Variants in VAT1L observed in about 807,000 individuals in gnomAD.
The protein encoded by VAT1L is vesicle amine transport 1 like.
Under a neutral mutation model 44.1 loss-of-function variants are expected in VAT1L, and 34 were observed. The observed-to-expected ratio is 0.77, with a 90% confidence interval of 0.59 to 1.03. The LOEUF (loss-of-function observed/expected upper bound fraction) is 1.03, where lower values mean the gene tolerates loss of function less well. Among genes scored for constraint, VAT1L ranks in the 50% least tolerant of loss-of-function variants. VAT1L has a pLI of 0.00. For synonymous variants in VAT1L, 253 were observed against 202.2 expected (o/e 1.25, Z -2.13); for missense variants, 615 against 538.8 (o/e 1.14, Z -1.40).
At chr16:77,914,346 G>A (rs1460281231) in intron 7 of VAT1L, among the ~76,000 whole-genome samples, 1 of 152,120 alleles carries the variant, frequency 6.6e-6, no homozygotes, top group East Asian at 1.9e-4. Context: ...CCTGTATGGT[G>A]GAGTACTATA....
At chr16:77,975,266 G>C (rs112670712) in intron 8 of VAT1L, among the ~76,000 whole-genome samples, 1 of 133,760 alleles carries the variant, frequency 7.5e-6, no homozygotes, top group Non-Finnish European at 1.5e-5. Flanking sequence ...CTGGAGTGCA[G>C]TGGTGTGATC....
chr16:77,855,382 G>A (rs970548598), intron 3 of VAT1L, among the ~76,000 whole-genome samples: 14 of 150,040 alleles, frequency 9.3e-5, no homozygotes, highest in Non-Finnish European at 1.8e-4. Flanking sequence ...ACAGAGACAT[G>A]AGCTTACCCC....
chr16:77,884,792 C>T lies in VAT1L; in HGVS notation c.1067C>T (p.Ala356Val). ...KIKPVVDSLW[A>V]LEEVKEAMQR... ...AAGCCTGTGGTGGACTCCTTGTGGG[C>T]TCTGGAGGAGGTAAGAATGGTGCTT... Residue 356 changes from alanine (A) to valine (V), a missense_variant, in exon 7 of 9, where the codon GCT becomes GTT. Coordinates refer to ENST00000302536, the MANE Select transcript of VAT1L (RefSeq NM_020927.3). The surrounding 1 kb of genome is among the most constrained non-coding windows in gnomAD (Gnocchi z 4.5). The T allele has an allele frequency of 6.6e-7, 1 of 1,506,110 alleles. No homozygotes were observed. Among genetic ancestry groups the T allele is most frequent in the Non-Finnish European group, 8.8e-7 (1 of 1,131,874 alleles). 93.3% of individuals were successfully genotyped at this position (1,506,110 alleles called of 1,614,324 possible). A position where few individuals can be genotyped will look rare whatever the true frequency, so the allele number is the denominator to read the frequency against.
intron 8 of VAT1L, among the ~76,000 whole-genome samples, chr16:77,975,104 C>CTCCACACA (rs2018321917): frequency 1.3e-5 from 2 of 149,650 alleles, no homozygotes; most frequent in South Asian, 4.3e-4. Context: ...AAGCTCCAGG[C>CTCCACACA]TCCACAGGAT....
chr16:77,866,986 C>A (rs776532394), intron 4 of VAT1L, among the ~76,000 whole-genome samples: 17 of 152,186 alleles, frequency 1.1e-4, no homozygotes, highest in Non-Finnish European at 1.8e-4. Flanking sequence ...AGAATCCACA[C>A]AAGGGAATCT....
chr16:77,836,290 G>T (rs1189913034), intron 3 of VAT1L, among the ~76,000 whole-genome samples: 1 of 151,986 alleles, frequency 6.6e-6, no homozygotes, highest in South Asian at 2.1e-4. Flanking sequence ...CATTTTTTCT[G>T]CCTGTCCCAC....
chr16:77,829,758 A>T (rs2145250399), intron 3 of VAT1L, among the ~76,000 whole-genome samples: 1 of 152,234 alleles, frequency 6.6e-6, no homozygotes, highest in East Asian at 1.9e-4. Flanking sequence ...TATGACTCTG[A>T]GTCTCTTAAT....
In VAT1L at chr16:77,884,529, G is replaced by C. The variant is rs1031097316; in HGVS notation, c.883-79G>C. ...GCCCCACGTTCCCCCTGTAGTAGCT[G>C]ATGACATCAGCAATGCTGCCAATGT... is the stretch of plus-strand genomic sequence containing the variant. On this transcript the variant is annotated intron_variant, in intron 6 of 8. Coordinates refer to ENST00000302536, the MANE Select transcript of VAT1L (RefSeq NM_020927.3). The surrounding 1 kb of genome is among the most constrained non-coding windows in gnomAD (Gnocchi z 4.5). The C allele has an allele frequency of 1.2e-4, 171 of 1,457,976 alleles. No homozygotes were observed. Among genetic ancestry groups the C allele is most frequent in the Admixed American group, 4.2e-4 (20 of 47,480 alleles). The allele number at this position is 1,457,976 out of a possible 1,614,324, so 90.3% of individuals were successfully genotyped here.
At chr16:77,956,168 A>C (rs571214248) in intron 7 of VAT1L, among the ~76,000 whole-genome samples, 58 of 152,330 alleles carry the variant, frequency 3.8e-4, no homozygotes, top group African/African-American at 1.3e-3. Context: ...GCATGCCTGT[A>C]TCAAAACATC....
At chr16:77,907,120 T>G (rs755004234) in intron 7 of VAT1L, among the ~76,000 whole-genome samples, 1 of 152,176 alleles carries the variant, frequency 6.6e-6, no homozygotes, top group Admixed American at 6.5e-5. Context: ...CTGTGTAGCA[T>G]TGGCCAATTT....
chr16:77,958,304 C>T (rs1288607320), intron 7 of VAT1L, among the ~76,000 whole-genome samples: 2 of 152,158 alleles, frequency 1.3e-5, no homozygotes, highest in Non-Finnish European at 2.9e-5. Flanking sequence ...CATCCTTCTC[C>T]CATATCAAAT....
chr16:77,831,982 A>ATTTTTTTTT (rs151275500), intron 3 of VAT1L, among the ~76,000 whole-genome samples: 2 of 125,984 alleles, frequency 1.6e-5, no homozygotes. Flanking sequence ...TGCCCGGCTA[A>ATTTTTTTTT]TTTTTTTTTT....
chr16:77,811,121 T>C (rs910295193), intron 1 of VAT1L, among the ~76,000 whole-genome samples: 16 of 152,166 alleles, frequency 1.1e-4, no homozygotes, highest in Non-Finnish European at 1.8e-4. Flanking sequence ...GATCTGACAC[T>C]GTTTGGATTT....
At position 77,929,274 on chromosome 16, in the gene VAT1L, C is replaced by T. The variant is rs138059285; in HGVS notation, c.1078-42576C>T. ...TCTAGACTTAGTACTGCCTGAACAG[C>T]GGGATACTCTCTTCCAGGCAGGGAT... is the stretch of plus-strand genomic sequence containing the variant. On this transcript the variant is annotated intron_variant, in intron 7 of 8. Coordinates refer to ENST00000302536, the MANE Select transcript of VAT1L (RefSeq NM_020927.3). Among the ~76,000 whole-genome samples the T allele has an allele frequency of 3.8e-3, 578 of 152,240 alleles. 3 individuals are homozygous for T. Among genetic ancestry groups the T allele is most frequent in the African/African-American group, 0.013 (539 of 41,550 alleles).
At chr16:77,920,971 C>T (rs1365527522) in intron 7 of VAT1L, among the ~76,000 whole-genome samples, 1 of 150,152 alleles carries the variant, frequency 6.7e-6, no homozygotes, top group Admixed American at 6.6e-5. Flanking sequence ...CATATATACA[C>T]ACACACACAT....
At chr16:77,972,559 T>A (rs957487822) in intron 8 of VAT1L, among the ~76,000 whole-genome samples, 1 of 152,064 alleles carries the variant, frequency 6.6e-6, no homozygotes, top group Non-Finnish European at 1.5e-5. Context: ...GGCGGGTGGA[T>A]CATCTGAGGT....
chr16:77,893,240 C>T (rs1261183233), intron 7 of VAT1L, among the ~76,000 whole-genome samples: 2 of 152,092 alleles, frequency 1.3e-5, no homozygotes, highest in African/African-American at 4.8e-5. Flanking sequence ...ATTTTGGGGG[C>T]ATGAATATAG....
intron 3 of VAT1L, among the ~76,000 whole-genome samples, chr16:77,827,376 A>T (rs1351117784): frequency 6.6e-6 from 1 of 152,198 alleles, no homozygotes; most frequent in South Asian, 2.1e-4. Flanking sequence ...ATTTCATTTC[A>T]TGTTTTTATT....
intron 7 of VAT1L, among the ~76,000 whole-genome samples, chr16:77,924,307 C>T (rs1485891876): frequency 6.6e-6 from 1 of 152,124 alleles, no homozygotes; most frequent in African/African-American, 2.4e-5. Context: ...GCATCAAGCT[C>T]AGCCTCTTCA....
Sources: gnomAD v4.1 joint callset for allele counts (sites outside exome capture counted in the v4.1 genomes callset) on GRCh38, gnomAD v4.1.1 for gene constraint, Gnocchi (gnomAD v3.1) non-coding constraint, MANE v1.5 for transcripts, NCBI Gene and HGNC (gene_info 2026-07-23, HGNC 2026-07-21) for gene names.